LIN52: variants seen among roughly 807,000 people sequenced by gnomAD.
LIN52 encodes the protein lin-52 DREAM MuvB core complex component.
Under a neutral mutation model 18.5 loss-of-function variants are expected in LIN52, and 4 were observed. The observed-to-expected ratio is 0.22, with a 90% CI of 0.11 to 0.49. The LOEUF (loss-of-function observed/expected upper bound fraction) is 0.49. Ranked by LOEUF, LIN52 falls within the 20% of genes least tolerant of loss-of-function variation. The pLI is 0.97. For missense variants in LIN52, 102 were observed against 139.5 expected, an observed-to-expected ratio of 0.73 and a Z score of 1.35; for synonymous variants, 34 against 45.5, an observed-to-expected ratio of 0.75 and a Z score of 1.02.
intron 3 of LIN52, among the ~76,000 whole-genome samples, chr14:74,097,405 A>T (rs150338102): frequency 4.0e-5 from 6 of 149,614 alleles, no homozygotes; most frequent in Non-Finnish European, 8.9e-5. Flanking sequence ...GCTATGTGAC[A>T]AGCTGCATTT....
At chr14:74,085,102 C>A in intron 1 of LIN52, 109 bp downstream of exon 1, 1 of 1,048,654 alleles carries the variant, frequency 9.5e-7, no homozygotes, top group Non-Finnish European at 1.3e-6. Context: ...GGGCTCTTCT[C>A]CTTTCCCTTT....
intron 5 of LIN52, among the ~76,000 whole-genome samples, chr14:74,101,670 C>T (rs916697316): frequency 1.3e-5 from 2 of 151,936 alleles, no homozygotes; most frequent in Non-Finnish European, 2.9e-5. Context: ...CCGTTTTAGC[C>T]GGGATGGTCT....
At chr14:74,103,415 A>G (rs1231194557) in intron 5 of LIN52, among the ~76,000 whole-genome samples, 1 of 146,298 alleles carries the variant, frequency 6.8e-6, no homozygotes, top group African/African-American at 2.5e-5. Flanking sequence ...GAACAGTGGC[A>G]CAAAATGTAA....
intron 5 of LIN52, among the ~76,000 whole-genome samples, chr14:74,130,871 C>T (rs1457564933): frequency 2.6e-5 from 4 of 152,074 alleles, no homozygotes; most frequent in Non-Finnish European, 5.9e-5. Context: ...CAGGCATGAC[C>T]CACCGTGCCC....
At chr14:74,153,497 TA>T (rs2061185733) in intron 5 of LIN52, among the ~76,000 whole-genome samples, 1 of 152,146 alleles carries the variant, frequency 6.6e-6, no homozygotes, top group Non-Finnish European at 1.5e-5. Flanking sequence ...TTTTCATTTA[TA>T]AACATGTTGT....
chr14:74,130,785 C>G (rs934436532), intron 5 of LIN52, among the ~76,000 whole-genome samples: 1 of 151,298 alleles, frequency 6.6e-6, no homozygotes, highest in East Asian at 1.9e-4. Context: ...GGGGTTTTGC[C>G]TTGTTGGTCA....
intron 5 of LIN52, among the ~76,000 whole-genome samples, chr14:74,177,407 A>G (rs1243999528): frequency 2.0e-5 from 3 of 152,240 alleles, no homozygotes; most frequent in East Asian, 1.9e-4. Context: ...ATATTATGCC[A>G]TAAGATATGC....
intron 1 of LIN52, among the ~76,000 whole-genome samples, chr14:74,087,580 C>T (rs1249891244): frequency 6.6e-6 from 1 of 152,144 alleles, no homozygotes; most frequent in African/African-American, 2.4e-5. Flanking sequence ...AAGTCAAGCA[C>T]TTTGAACTTA....
chr14:74,171,765 G>A (rs539340456), intron 5 of LIN52, among the ~76,000 whole-genome samples: 129 of 122,956 alleles, frequency 1.0e-3, no homozygotes, highest in South Asian at 1.8e-3. Flanking sequence ...TTGAGACAGA[G>A]TCTTGCTCTG....
At chr14:74,092,309 A>G (rs559566621) in intron 2 of LIN52, among the ~76,000 whole-genome samples, 55 of 142,942 alleles carry the variant, frequency 3.8e-4, no homozygotes, top group Non-Finnish European at 7.5e-4. Context: ...GTATATATAT[A>G]TATATGTTTT....
At chr14:74,087,068 T>C (rs1461352750) in intron 1 of LIN52, among the ~76,000 whole-genome samples, 2 of 152,208 alleles carry the variant, frequency 1.3e-5, no homozygotes, top group African/African-American at 4.8e-5. Flanking sequence ...TTGATTTTTT[T>C]CCCCTGTCAT....
At chr14:74,097,425 C>CTTTT (rs35249058) in intron 3 of LIN52, among the ~76,000 whole-genome samples, 1 of 133,578 alleles carries the variant, frequency 7.5e-6, no homozygotes, top group Non-Finnish European at 1.6e-5. Flanking sequence ...TTTTCTTTTT[C>CTTTT]TTTTTTTTTT....
chr14:74,095,924 A>G, intron 2 of LIN52, 24 bp from the exon 3 acceptor site: 1 of 1,557,406 alleles, frequency 6.4e-7, no homozygotes, highest in Admixed American at 1.7e-5. Flanking sequence ...TATTGAATAA[A>G]TAAAGTTTTG....
intron 1 of LIN52, among the ~76,000 whole-genome samples, chr14:74,088,022 C>T (rs138092036): frequency 0.01 from 1,563 of 152,240 alleles, 32 homozygotes; most frequent in African/African-American, 0.036. Context: ...AAGCGATTCT[C>T]CCATCTCAGC....
intron 5 of LIN52, among the ~76,000 whole-genome samples, chr14:74,129,993 C>T (rs766681942): frequency 2.0e-5 from 3 of 151,964 alleles, no homozygotes; most frequent in Non-Finnish European, 2.9e-5. Flanking sequence ...ACATGGATGG[C>T]GGCAGGCAAA....
chr14:74,167,861 T>C (rs913930504), intron 5 of LIN52, among the ~76,000 whole-genome samples: 1 of 152,172 alleles, frequency 6.6e-6, no homozygotes, highest in Non-Finnish European at 1.5e-5. Flanking sequence ...ACAGTTATTA[T>C]ATTCCATTTA....
intron 1 of LIN52, among the ~76,000 whole-genome samples, chr14:74,088,459 G>A (rs1018107476): frequency 6.6e-6 from 1 of 152,140 alleles, no homozygotes; most frequent in South Asian, 2.1e-4. Context: ...CTGGGCTCAA[G>A]CAATCTTCCT....
intron 5 of LIN52, among the ~76,000 whole-genome samples, chr14:74,195,777 G>A (rs902171823): frequency 2.0e-5 from 3 of 152,114 alleles, no homozygotes; most frequent in Admixed American, 2.0e-4. Context: ...GGGGGGGTTC[G>A]GTTAGCGGGC....
At chr14:74,155,955 G>T (rs960886805) in intron 5 of LIN52, among the ~76,000 whole-genome samples, 16 of 152,156 alleles carry the variant, frequency 1.1e-4, no homozygotes, top group Admixed American at 9.8e-4. Context: ...AGTGTCCCAT[G>T]AATTGACGGT....
Sources: allele counts gnomAD v4.1 joint callset (sites outside exome capture counted in the v4.1 genomes callset), GRCh38; gene constraint gnomAD v4.1.1; transcripts MANE v1.5; gene names NCBI Gene and HGNC (gene_info 2026-07-23, HGNC 2026-07-21).